The following CEP85 variants were observed in gnomAD, a reference collection of about 807,000 sequenced individuals.
CEP85 encodes centrosomal protein 85, also known as centrosomal protein of 85 kDa.
In CEP85, 58 loss-of-function variants were observed where a neutral mutation model predicts 93.7. That is an observed-to-expected ratio of 0.62 (90% CI 0.50 to 0.77). CEP85 has a LOEUF of 0.77. Among genes scored for constraint, CEP85 ranks in the 30% least tolerant of loss-of-function variants. The pLI is 0.00. For missense variants in CEP85, 868 were observed against 922.0 expected (o/e 0.94, Z 0.76); for synonymous variants, 314 against 338.6 (o/e 0.93, Z 0.80).
chr1:26,238,762 G>A (rs2089371230), intron 1 of CEP85, among the ~76,000 whole-genome samples: 1 of 152,162 alleles, frequency 6.6e-6, no homozygotes, highest in Non-Finnish European at 1.5e-5. Context: ...CTAATAAATT[G>A]ATAACTTAAT....
At chr1:26,244,753 C>T (rs1257518211) in intron 3 of CEP85, among the ~76,000 whole-genome samples, 1 of 152,238 alleles carries the variant, frequency 6.6e-6, no homozygotes, top group Non-Finnish European at 1.5e-5. Context: ...GACTCCCAGA[C>T]TCAAGAGAAC....
At chr1:26,257,541 GT>G (rs2089726210) in intron 4 of CEP85, 55 bp from the exon 5 acceptor site, 1 of 1,600,382 alleles carries the variant, frequency 6.2e-7, no homozygotes, top group Admixed American at 1.7e-5. Context: ...CTGCTCAGGT[GT>G]TTTCAGGCGT....
At chr1:26,269,709 A>T in intron 9 of CEP85, 95 bp downstream of exon 9, 1 of 996,382 alleles carries the variant, frequency 1.0e-6, no homozygotes, top group Non-Finnish European at 1.5e-6. Flanking sequence ...GTGATTTGGG[A>T]AAATCATTTT....
Position 26,255,392 on chromosome 1 carries a change from C to A in CEP85, c.430C>A (p.Leu144Ile). The A allele has an allele frequency of 6.2e-7, 1 of 1,614,088 alleles. No homozygotes were observed. Among genetic ancestry groups the A allele is most frequent in the Non-Finnish European group, 8.5e-7 (1 of 1,180,004 alleles). Residue 144 changes from leucine (L) to isoleucine (I), a missense_variant, in exon 4 of 14, where the codon CTA becomes ATA. Leu to Ile is a conservative substitution (Grantham distance 5). Coordinates refer to ENST00000451429, the MANE Select transcript of CEP85 (RefSeq NM_001319944.2). ...DLGAMKHSPG[L>I]SRDLMYFSGA... ...CGGTGCAATGAAACATTCTCCAGGC[C>A]TATCTAGAGATCTCATGTATTTCTC...
At chr1:26,261,427 G>A (rs12116908) in intron 7 of CEP85, among the ~76,000 whole-genome samples, 25,112 of 151,798 alleles carry the variant, frequency 0.17, 2,180 homozygotes, top group Middle Eastern at 0.21. Flanking sequence ...AGGCAAGATC[G>A]CTCCATTGCA....
At chr1:26,262,561 G>C (rs6674410) in intron 7 of CEP85, among the ~76,000 whole-genome samples, 1 of 151,948 alleles carries the variant, frequency 6.6e-6, no homozygotes, top group Admixed American at 6.6e-5. Context: ...CGCTGACAAA[G>C]AAATGACACT....
At chr1:26,269,195 G>A in intron 8 of CEP85, 1 of 445,008 alleles carries the variant, frequency 2.2e-6, no homozygotes, top group Non-Finnish European at 4.1e-6. Context: ...TAGACTGTGT[G>A]GTTCAACCCT....
intron 7 of CEP85, 36 bp downstream of exon 7, chr1:26,259,838 G>T: frequency 6.5e-7 from 1 of 1,549,744 alleles, no homozygotes; most frequent in Non-Finnish European, 8.7e-7. Context: ...GTTCACAAAG[G>T]AGTTGGCAGT....
chr1:26,244,025 G>A (rs558404088), intron 2 of CEP85, 141 bp from the exon 3 acceptor site: 61 of 524,322 alleles, frequency 1.2e-4, no homozygotes, highest in African/African-American at 1.0e-3. Context: ...AAACTAGATC[G>A]GAGCAGCTGA....
chr1:26,250,865 A>G (rs912929758), intron 3 of CEP85, among the ~76,000 whole-genome samples: 1 of 148,260 alleles, frequency 6.7e-6, no homozygotes, highest in Non-Finnish European at 1.5e-5. Context: ...TTTGTGCTGT[A>G]TCATAACATG....
chr1:26,241,243 A>ATTTTTTTTTTTTTTTTTTT (rs1433524136), intron 2 of CEP85, among the ~76,000 whole-genome samples: 2 of 61,812 alleles, frequency 3.2e-5, no homozygotes, highest in African/African-American at 6.1e-5. Flanking sequence ...CATTCAGCAG[A>ATTTTTTTTTTTTTTTTTTT]ATTTTTTTTT....
At chr1:26,269,186 A>C (rs978698496) in intron 8 of CEP85, 2 of 425,740 alleles carry the variant, frequency 4.7e-6, no homozygotes, top group African/African-American at 2.0e-5. Context: ...GAATTAGCTT[A>C]GACTGTGTGG....
At chr1:26,244,461 C>T in intron 3 of CEP85, 143 bp downstream of exon 3, 1 of 741,478 alleles carries the variant, frequency 1.3e-6, no homozygotes, top group South Asian at 1.9e-5. Flanking sequence ...TCTCATTCTT[C>T]TTACCCTGTG....
At chr1:26,248,314 C>G (rs2089542715) in intron 3 of CEP85, among the ~76,000 whole-genome samples, 1 of 152,052 alleles carries the variant, frequency 6.6e-6, no homozygotes, top group African/African-American at 2.4e-5. Context: ...AATCAGTGGT[C>G]TAGATTTTTC....
Position 26,255,775 on chromosome 1 carries a change from T to A in CEP85, c.813T>A (p.Pro271=). ...PLPSQVWQPS[P]DTWHPREQSC... ...CCTCTCAGGTGTGGCAGCCGAGTCCTGACACTTGGCATCCCCGAGAGCAAT... is the reference window on the plus strand; with the variant it reads ...CCTCTCAGGTGTGGCAGCCGAGTCCAGACACTTGGCATCCCCGAGAGCAAT... The change falls in exon 4 of 14, where the codon CCT becomes CCA. Residue 271 remains proline (P), a synonymous_variant. Coordinates refer to ENST00000451429, the MANE Select transcript of CEP85 (RefSeq NM_001319944.2). 6.2e-7 allele frequency: 1 copy of A among 1,614,224 alleles called. No homozygotes were observed. Among genetic ancestry groups the A allele is most frequent in the Non-Finnish European group, 8.5e-7 (1 of 1,180,036 alleles).
At chr1:26,256,281 C>A (rs2089699124) in intron 4 of CEP85, among the ~76,000 whole-genome samples, 1 of 152,150 alleles carries the variant, frequency 6.6e-6, no homozygotes, top group African/African-American at 2.4e-5. Context: ...CCAGGTGGCT[C>A]ACGCCTATAA....
At chr1:26,244,846 A>C (rs2089485464) in intron 3 of CEP85, among the ~76,000 whole-genome samples, 1 of 152,070 alleles carries the variant, frequency 6.6e-6, no homozygotes, top group Non-Finnish European at 1.5e-5. Context: ...CTGATAGGTT[A>C]ATTGGCCTCA....
intron 3 of CEP85, among the ~76,000 whole-genome samples, chr1:26,252,846 T>C (rs998531724): frequency 1.1e-4 from 17 of 152,310 alleles, no homozygotes; most frequent in African/African-American, 4.1e-4. Context: ...TTTTAAAGTA[T>C]TTATTCCTCC....
At chr1:26,271,204 T>C in intron 10 of CEP85, 97 bp downstream of exon 10, 1 of 714,242 alleles carries the variant, frequency 1.4e-6, no homozygotes, top group Non-Finnish European at 2.4e-6. Context: ...CTTTGGGCTA[T>C]CTAGGATTTG....
Sources: allele counts gnomAD v4.1 joint callset (sites outside exome capture counted in the v4.1 genomes callset), GRCh38; gene constraint gnomAD v4.1.1; transcripts MANE v1.5; gene names NCBI Gene and HGNC (gene_info 2026-07-23, HGNC 2026-07-21).